DIP2A: variants seen among roughly 807,000 people sequenced by gnomAD.
The protein encoded by DIP2A is DIP2 acetate--CoA ligase A.
Under a neutral mutation model 177.4 loss-of-function variants are expected in DIP2A, and 85 were observed. The observed-to-expected ratio is 0.48, with a 90% CI of 0.40 to 0.57. DIP2A has a LOEUF of 0.57. Among genes scored for constraint, DIP2A ranks in the 20% least tolerant of loss-of-function variants. The probability of loss-of-function intolerance (pLI) is 0.00; values close to 1 mark genes in which losing one functional copy is unlikely to be tolerated. For missense variants in DIP2A, 1,791 were observed against 2,100.2 expected, an observed-to-expected ratio of 0.85 and a Z score of 2.88; for synonymous variants, 886 against 881.8, an observed-to-expected ratio of 1.00 and a Z score of -0.08.
rs762264433 is a variant in DIP2A, at chr21:46,557,573, T to C, written c.3630-12T>C. 23 of 1,596,502 alleles carry C rather than the reference T, an allele frequency of 1.4e-5. No individual in the cohort carries two copies. Among genetic ancestry groups the C allele is most frequent in the African/African-American group, 4.0e-5 (3 of 74,608 alleles). On this transcript the variant is annotated splice_polypyrimidine_tract_variant and intron_variant, in intron 30 of 37. Transcript: ENST00000417564. This position sits in a 1 kb window ranked among gnomAD's most constrained non-coding sequence, Gnocchi z 6.0. ...TGGGCGGGCGGAGCCTCACGAGCCTTCCCTCTCGCAGTGTCTACTCGGGAC... is the reference window on the plus strand; with the variant it reads ...TGGGCGGGCGGAGCCTCACGAGCCTCCCCTCTCGCAGTGTCTACTCGGGAC...
chr21:46,532,295 T>C, intron 10 of DIP2A, 58 bp downstream of exon 10: 1 of 1,403,364 alleles, frequency 7.1e-7, no homozygotes, highest in Admixed American at 1.9e-5. Context: ...ATACCAGCAG[T>C]ATCTTACTTC....
rs932118263 is a variant in DIP2A at position 46,482,558 on chromosome 21, T to C, written c.92-2199T>C. Among the ~76,000 whole-genome samples the C allele has an allele frequency of 2.0e-5, 3 of 152,356 alleles. No individual in the cohort carries two copies. In the East Asian group the frequency reaches 5.8e-4, roughly 29 times the overall value. On this transcript the variant is annotated intron_variant, in intron 1 of 37. Coordinates refer to ENST00000417564, the MANE Select transcript of DIP2A (RefSeq NM_015151.4). ...GTTATTTTAGAGTATATTCCTATTA[T>C]ATTTTAAAAATGTTAACTGTCAAAC...
intron 1 of DIP2A, 46 bp downstream of exon 1, chr21:46,459,268 G>A: frequency 2.2e-6 from 3 of 1,348,634 alleles, no homozygotes; most frequent in Admixed American, 2.7e-5. Context: ...CCCTCAGCCC[G>A]GTCCCCCGCG....
Position 46,557,816 on chromosome 21 carries a change from C to CAACAA in DIP2A, c.3798+74_3798+78dup. On this transcript the variant is annotated intron_variant, in intron 31 of 37. Transcript: ENST00000417564. This position sits in a 1 kb window ranked among gnomAD's most constrained non-coding sequence, Gnocchi z 6.0. ...ACCACAGCCCTGGGAAGTTTAAAAA[C>CAACAA]AACAAAACAAAACAAGACTCCCAAG... The CAACAA allele has an allele frequency of 1.3e-6, 2 of 1,547,994 alleles. No individual in the cohort carries two copies. The highest frequency in any genetic ancestry group is 8.8e-7 in the Non-Finnish European group (1 of 1,140,688).
At chr21:46,564,498 C>G (rs546225970) in intron 35 of DIP2A, among the ~76,000 whole-genome samples, 16 of 152,212 alleles carry the variant, frequency 1.1e-4, no homozygotes, top group Middle Eastern at 3.2e-3. Context: ...TAATTTGGGA[C>G]AGGCATGACT....
At chr21:46,536,307 G>T (rs991773323) in intron 13 of DIP2A, among the ~76,000 whole-genome samples, 1 of 152,198 alleles carries the variant, frequency 6.6e-6, no homozygotes, top group African/African-American at 2.4e-5. Context: ...TATTAGAGAA[G>T]ACTTGGCCAG....
intron 23 of DIP2A, 28 bp downstream of exon 23, chr21:46,550,772 C>A: frequency 6.2e-7 from 1 of 1,610,066 alleles, no homozygotes; most frequent in South Asian, 1.1e-5. Flanking sequence ...ACAGGATGCT[C>A]TCTAGTCTAA....
the DIP2A span, among the ~76,000 whole-genome samples, chr21:46,581,393 A>G: frequency 3.3e-5 from 5 of 151,970 alleles, no homozygotes; most frequent in Non-Finnish European, 7.4e-5. Flanking sequence ...TTAGAACATA[A>G]CTCCTTTAGC....
At chr21:46,472,998 A>G (rs1322719899) in intron 1 of DIP2A, among the ~76,000 whole-genome samples, 1 of 152,218 alleles carries the variant, frequency 6.6e-6, no homozygotes, top group Non-Finnish European at 1.5e-5. Flanking sequence ...TGATTGTTCA[A>G]TTTAATTTAC....
chr21:46,463,695 TG>T (rs1237783076), intron 1 of DIP2A, among the ~76,000 whole-genome samples: 24 of 151,130 alleles, frequency 1.6e-4, no homozygotes, highest in African/African-American at 5.1e-4. Context: ...TGTGTGTGTG[TG>T]TGTGTGTGTG....
rs1045230613 is a variant in DIP2A, at chr21:46,557,363, G to A, written c.3630-222G>A. 11 of 650,242 alleles carry A rather than the reference G, an allele frequency of 1.7e-5. No homozygotes were observed. Among genetic ancestry groups the A allele is most frequent in the Middle Eastern group, 4.2e-4 (1 of 2,358 alleles). 40.3% of individuals were successfully genotyped at this position (650,242 alleles called of 1,614,324 possible). A position where few individuals can be genotyped will look rare whatever the true frequency, so the allele number is the denominator to read the frequency against. On this transcript the variant is annotated intron_variant, in intron 30 of 37. Coordinates refer to ENST00000417564, the MANE Select transcript of DIP2A (RefSeq NM_015151.4). This position sits in a 1 kb window ranked among gnomAD's most constrained non-coding sequence, Gnocchi z 6.0. ...TGAATGCCTCTGGAGTGGTGTCCCCGGATCCTCTCCAAGTGTTCGGAGCAG... is the reference window on the plus strand; with the variant it reads ...TGAATGCCTCTGGAGTGGTGTCCCCAGATCCTCTCCAAGTGTTCGGAGCAG...
chr21:46,519,587 A>G (rs1015251221), intron 8 of DIP2A, among the ~76,000 whole-genome samples: 1 of 152,212 alleles, frequency 6.6e-6, no homozygotes, highest in Non-Finnish European at 1.5e-5. Context: ...AGAAAGCATC[A>G]GTATGGTGAG....
rs866219150 is a variant in DIP2A, at chr21:46,459,227, G to C, written c.91+5G>C. 1 of 1,521,654 alleles carries C rather than the reference G, an allele frequency of 6.6e-7. No homozygotes were observed. The highest frequency in any genetic ancestry group is 1.2e-5 in the South Asian group (1 of 81,994). The allele number at this position is 1,521,654 out of a possible 1,614,324, so 94.3% of individuals were successfully genotyped here. A position where few individuals can be genotyped will look rare whatever the true frequency, so the allele number is the denominator to read the frequency against. On this transcript the variant is annotated splice_donor_5th_base_variant and intron_variant, in intron 1 of 37. Coordinates refer to ENST00000417564, the MANE Select transcript of DIP2A (RefSeq NM_015151.4). ...TGGAGCTGGAGCTGTCGGAAGGTGA[G>C]CCGGACCCCGCCCTCAACCCCCGCG...
At chr21:46,482,690 C>T (rs1293047872) in intron 1 of DIP2A, among the ~76,000 whole-genome samples, 1 of 152,128 alleles carries the variant, frequency 6.6e-6, no homozygotes, top group Non-Finnish European at 1.5e-5. Flanking sequence ...ATCTTTGTTC[C>T]TGTGACCTGT....
intron 32 of DIP2A, chr21:46,558,635 A>G: frequency 1.8e-6 from 1 of 547,448 alleles, no homozygotes; most frequent in Non-Finnish European, 3.3e-6. Flanking sequence ...GTGACTAATA[A>G]CTGTAAGACT....
At chr21:46,477,543 T>TTTTTTTTGTGTGTGTGTGTGTGTG (rs374607636) in intron 1 of DIP2A, among the ~76,000 whole-genome samples, 19 of 87,128 alleles carry the variant, frequency 2.2e-4, no homozygotes, top group African/African-American at 8.2e-4. Context: ...AAAAAAAGAT[T>TTTTTTTTGTGTGTGTGTGTGTGTG]TGTGTGTGTG....
chr21:46,484,884 AT>A, intron 2 of DIP2A, 56 bp downstream of exon 2: 1 of 1,453,926 alleles, frequency 6.9e-7, no homozygotes, highest in Non-Finnish European at 9.2e-7. Context: ...ATAACATGTG[AT>A]TTTTAAATTG....
intron 8 of DIP2A, among the ~76,000 whole-genome samples, chr21:46,522,042 TAAA>T (rs1279734027): frequency 2.6e-5 from 4 of 152,264 alleles, no homozygotes; most frequent in Non-Finnish European, 5.9e-5. Flanking sequence ...TTTATGACCG[TAAA>T]GCATTTAGCA....
At chr21:46,545,812 C>T in intron 19 of DIP2A, 69 bp from the exon 20 acceptor site, 1 of 1,576,356 alleles carries the variant, frequency 6.3e-7, no homozygotes, top group Non-Finnish European at 8.7e-7. Flanking sequence ...CTCCTGCCGC[C>T]TGCTGGGTCT....
Sources: allele counts gnomAD v4.1 joint callset (sites outside exome capture counted in the v4.1 genomes callset), GRCh38; gene constraint gnomAD v4.1.1; non-coding constraint Gnocchi (gnomAD v3.1); transcripts MANE v1.5; gene names NCBI Gene and HGNC (gene_info 2026-07-23, HGNC 2026-07-21).